PSG3: variants seen among roughly 807,000 people sequenced by gnomAD.
PSG3 encodes pregnancy specific beta-1-glycoprotein 3, also known as pregnancy-specific beta-1-glycoprotein 3.
A neutral mutation model predicts 47.5 loss-of-function variants in PSG3; 61 were observed. That is an observed-to-expected ratio of 1.28 (90% CI 1.05 to 1.59). The LOEUF (loss-of-function observed/expected upper bound fraction) is 1.59, where lower values mean the gene tolerates loss of function less well. Ranked by LOEUF, PSG3 falls within the 40% of genes most tolerant of loss-of-function variation. The pLI is 0.00. For synonymous variants in PSG3, 263 were observed against 198.4 expected (o/e 1.33, Z -2.74); for missense variants, 756 against 524.0 (o/e 1.44, Z -4.32).
intron 1 of PSG3, 188 bp from the exon 2 acceptor site, chr19:42,739,277 G>T: frequency 9.5e-7 from 1 of 1,051,266 alleles, no homozygotes; most frequent in Non-Finnish European, 1.3e-6. Context: ...CTCCTACTAG[G>T]TGAAGGTCAG....
intron 1 of PSG3, 120 bp from the exon 2 acceptor site, chr19:42,739,209 C>A: frequency 1.5e-6 from 2 of 1,350,142 alleles, no homozygotes; most frequent in Non-Finnish European, 1.0e-6. Context: ...CACACACACA[C>A]ATACAAACAC....
chr19:42,738,251 G>A (rs894677612), intron 2 of PSG3, among the ~76,000 whole-genome samples: 1 of 152,228 alleles, frequency 6.6e-6, no homozygotes, highest in African/African-American at 2.4e-5. Context: ...CTTGGTCCCA[G>A]TAAGCCCTGC....
chr19:42,729,096 T>A (rs748953248), intron 5 of PSG3, 27 bp downstream of exon 5: 2 of 1,613,744 alleles, frequency 1.2e-6, no homozygotes, highest in African/African-American at 2.7e-5. Flanking sequence ...TAAAACTCTA[T>A]TGCCAAGCAT....
chr19:42,728,202 G>A (rs1969406448), intron 5 of PSG3, among the ~76,000 whole-genome samples: 3 of 152,228 alleles, frequency 2.0e-5, no homozygotes, highest in Admixed American at 1.3e-4. Context: ...ATAGTGTGAT[G>A]GTTACACAAC....
intron 2 of PSG3, among the ~76,000 whole-genome samples, chr19:42,734,879 AG>A (rs1240338802): frequency 6.6e-6 from 1 of 152,206 alleles, no homozygotes; most frequent in Non-Finnish European, 1.5e-5. Context: ...ACCCCAAAAC[AG>A]GTATGTGAAA....
At chr19:42,722,840 A>G (rs1400933560) in intron 6 of PSG3, among the ~76,000 whole-genome samples, 2 of 152,242 alleles carry the variant, frequency 1.3e-5, no homozygotes, top group East Asian at 3.8e-4. Flanking sequence ...TATTACAACA[A>G]GAGTTCTCCA....
At chr19:42,730,341 C>A (rs532838012) in intron 3 of PSG3, among the ~76,000 whole-genome samples, 1 of 152,166 alleles carries the variant, frequency 6.6e-6, no homozygotes, top group Non-Finnish European at 1.5e-5. Context: ...CCCTGGTACC[C>A]CTCCCAGTCC....
chr19:42,732,386 G>A lies in PSG3; in HGVS notation c.709+398C>T, dbSNP rs192611032. The A allele has an allele frequency of 4.0e-3, 1,244 of 313,872 alleles. 5 individuals carry two copies. The highest frequency in any genetic ancestry group is 5.6e-3 in the Non-Finnish European group (923 of 164,776). 19.4% of individuals were successfully genotyped at this position (313,872 alleles called of 1,614,324 possible). On this transcript the variant is annotated intron_variant, in intron 3 of 6. Coordinates refer to ENST00000327495, the MANE Select transcript of PSG3 (RefSeq NM_021016.4). ...AATGGTGGGGGCATCCAGGCCATGTGGAGCAAAGAGAATAATGTCATAGGT... is the reference window on the plus strand; with the variant it reads ...AATGGTGGGGGCATCCAGGCCATGTAGAGCAAAGAGAATAATGTCATAGGT...
At chr19:42,740,278 C>T in intron 1 of PSG3, 43 bp downstream of exon 1, 1 of 1,613,810 alleles carries the variant, frequency 6.2e-7, no homozygotes, top group Non-Finnish European at 8.5e-7. Flanking sequence ...TCCAGTCACT[C>T]TGCTTCCTCC....
intron 1 of PSG3, among the ~76,000 whole-genome samples, chr19:42,740,046 G>A (rs893697917): frequency 1.3e-5 from 2 of 151,146 alleles, no homozygotes; most frequent in African/African-American, 4.9e-5. Flanking sequence ...TCTTCCTCCC[G>A]GGTTCACGTG....
Position 42,739,063 on chromosome 19 carries a change from G to A in PSG3, c.91C>T (p.Pro31Ser). The change falls in exon 2 of 7, where the codon CCT (proline) becomes TCT (serine). Residue 31 changes from proline (P) to serine (S), a missense_variant. Pro to Ser is a moderately conservative substitution (Grantham distance 74, BLOSUM62 -1). Coordinates refer to ENST00000327495, the MANE Select transcript of PSG3 (RefSeq NM_021016.4). ...TCAATCGTGACTTGGGCAGTGGTAG[G>A]CAAGTTCCAGAAGTTTAAAAGTAAT... ...TALLLNFWNL[P>S]TTAQVTIEAE... 6.2e-7 allele frequency: 1 copy of A among 1,607,158 alleles called. No individual in the cohort carries two copies. Among genetic ancestry groups the A allele is most frequent in the Non-Finnish European group, 8.5e-7 (1 of 1,174,366 alleles).
At chr19:42,732,638 T>G in intron 3 of PSG3, 146 bp downstream of exon 3, 2 of 1,575,270 alleles carry the variant, frequency 1.3e-6, no homozygotes, top group South Asian at 2.3e-5. Flanking sequence ...TACTCTGGTT[T>G]GCCTGGGGCA....
intron 1 of PSG3, among the ~76,000 whole-genome samples, chr19:42,740,027 A>T (rs563918056): frequency 2.0e-5 from 3 of 150,332 alleles, no homozygotes; most frequent in Admixed American, 6.7e-5. Context: ...ATCTCGGCTC[A>T]CTGCAATTTC....
At position 42,738,886 on chromosome 19, in the gene PSG3, T is replaced by C. The variant is rs142949669; in HGVS notation, c.268A>G (p.Ile90Val). The C allele has an allele frequency of 9.9e-6, 16 of 1,613,962 alleles. No individual in the cohort carries two copies. The African/African-American group carries it at 2.1e-4, about 22-fold the overall frequency. The change falls in exon 2 of 7, where the codon ATA becomes GTA. Residue 90 changes from isoleucine (I) to valine (V), a missense_variant. Transcript: ENST00000327495. Reference protein sequence around the residue: ...TSYVVDGQIIIYGPAYSGRET... With the variant: ...TSYVVDGQIIVYGPAYSGRET... ...CGTCCACTGTATGCAGGCCCATATA[T>C]AATTATTTGACCATCTACTACGTAT...
At chr19:42,733,320 G>T in intron 2 of PSG3, 2 of 716,376 alleles carry the variant, frequency 2.8e-6, no homozygotes, top group Non-Finnish European at 4.2e-6. Context: ...GAAAGACACA[G>T]GACCAGCAGT....
In PSG3 at chr19:42,735,163, G is replaced by A. The variant is rs894441266; in HGVS notation, c.431-2101C>T. Among the ~76,000 whole-genome samples the A allele has an allele frequency of 5.3e-5, 8 of 152,162 alleles. No individual in the cohort carries two copies. In the South Asian group the frequency reaches 8.3e-4, roughly 16 times the overall value. On this transcript the variant is annotated intron_variant, in intron 2 of 6. Transcript: ENST00000327495. ...TTATAGCCTTTGTAGTTGTCCCACA[G>A]CTACAAAATTTAAAAATTGCTATTG...
chr19:42,721,856 T>C lies in PSG3; in HGVS notation c.*275A>G. The C allele has an allele frequency of 2.4e-6, 1 of 414,054 alleles. No individual in the cohort carries two copies. The highest frequency in any genetic ancestry group is 4.4e-6 in the Non-Finnish European group (1 of 225,966). The allele number at this position is 414,054 out of a possible 1,614,324, so 25.6% of individuals were successfully genotyped here. A position where few individuals can be genotyped will look rare whatever the true frequency, so the allele number is the denominator to read the frequency against. On this transcript the variant is annotated 3_prime_UTR_variant, in exon 7 of 7. Coordinates refer to ENST00000327495, the MANE Select transcript of PSG3 (RefSeq NM_021016.4). Reference sequence around the variant, plus strand: ...CAAATAGAAAATTATGAAAACATTGTTTTGACTATTTAGTCCAATAAAATT... The same window carrying C: ...CAAATAGAAAATTATGAAAACATTGCTTTGACTATTTAGTCCAATAAAATT...
chr19:42,722,115 G>T (rs1195003871), intron 6 of PSG3, 25 bp from the exon 7 acceptor site: 4 of 410,774 alleles, frequency 9.7e-6, no homozygotes, highest in Middle Eastern at 3.1e-4. Context: ...GATTTAAAAT[G>T]ACTATGGTTA....
chr19:42,726,151 G>A (rs10409677), intron 5 of PSG3, among the ~76,000 whole-genome samples: 25,471 of 151,982 alleles, frequency 0.17, 3,724 homozygotes, highest in African/African-American at 0.4. Context: ...CCACCTCAAC[G>A]TAAAGGCAAT....
Sources: allele counts gnomAD v4.1 joint callset (sites outside exome capture counted in the v4.1 genomes callset), GRCh38; gene constraint gnomAD v4.1.1; transcripts MANE v1.5; gene names NCBI Gene and HGNC (gene_info 2026-07-23, HGNC 2026-07-21).